SCN1A: variants seen among roughly 807,000 people sequenced by gnomAD.
SCN1A encodes the protein sodium channel protein type 1 subunit alpha.
SCN1A carries 13 observed loss-of-function variants against 193.7 expected under a neutral mutation model. The ratio of observed to expected loss-of-function variants is 0.07; its 90% CI spans 0.04 to 0.11. The LOEUF (loss-of-function observed/expected upper bound fraction) is 0.11, where lower values mean the gene tolerates loss of function less well. SCN1A is among the 10% of genes least tolerant of loss of function. The pLI is 1.00. For synonymous variants in SCN1A, 781 were observed against 843.6 expected (o/e 0.93, Z 1.29); for missense variants, 1,432 against 2,451.1 (o/e 0.58, Z 8.78).
intron 2 of SCN1A, among the ~76,000 whole-genome samples, chr2:166,116,975 T>G (rs1003090861): frequency 1.9e-4 from 29 of 152,312 alleles, no homozygotes; most frequent in Non-Finnish European, 3.8e-4. Flanking sequence ...TTACCACTAA[T>G]CACATCAGAA....
intron 19 of SCN1A, among the ~76,000 whole-genome samples, chr2:166,020,121 A>C (rs572768556): frequency 1.3e-5 from 2 of 152,102 alleles, no homozygotes; most frequent in South Asian, 4.1e-4. Context: ...CATGTTAGCC[A>C]GGAGGGTCTC....
In SCN1A at chr2:166,006,405, A is replaced by G. The variant is rs554678064; in HGVS notation, c.4002+3314T>C. 4.6e-5 allele frequency among the ~76,000 whole-genome samples: 7 copies of G among 151,534 alleles called. No homozygotes were observed. The East Asian group carries it at 1.2e-3, about 25-fold the overall frequency. On this transcript the variant is annotated intron_variant, in intron 23 of 28. Coordinates refer to ENST00000674923, the MANE Select transcript of SCN1A (RefSeq NM_001165963.4). ...TAAACTTTAAGAATAAATAAAATGT[A>G]GAGTTATGTTTATGTATGTTTTCAC...
At chr2:166,051,656 C>T (rs934903684) in intron 9 of SCN1A, 63 bp downstream of exon 9, 1 of 1,309,480 alleles carries the variant, frequency 7.6e-7, no homozygotes, top group Non-Finnish European at 1.1e-6. Flanking sequence ...AAGTATTTAT[C>T]CTTTGTGTTA....
rs121917912 is a variant in SCN1A at position 166,012,254 on chromosome 2, C to T, written c.3734G>A (p.Arg1245Gln). 4.4e-6 allele frequency: 7 copies of T among 1,609,000 alleles called. No homozygotes were observed. Among genetic ancestry groups the T allele is most frequent in the South Asian group, 1.1e-5 (1 of 90,934 alleles). Residue 1245 changes from arginine to glutamine, a missense_variant, in exon 22 of 29, where the codon CGA becomes CAA. Around this residue, in one of 18 missense-constraint regions of SCN1A, gnomAD observed 107 missense variants for 259.4 expected, o/e 0.41. Transcript: ENST00000674923. ...LAFEDIYIDQ[R>Q]KTIKTMLEYA... ...TTCCAACATCGTCTTAATCGTCTTTCGCTGATCAATATATATATCTTCAAA... is the reference window on the plus strand; with the variant it reads ...TTCCAACATCGTCTTAATCGTCTTTTGCTGATCAATATATATATCTTCAAA...
intron 16 of SCN1A, among the ~76,000 whole-genome samples, 160 bp from the exon 17 acceptor site, chr2:166,039,756 C>T (rs1696911317): frequency 6.6e-6 from 1 of 151,988 alleles, no homozygotes; most frequent in Non-Finnish European, 1.5e-5. Flanking sequence ...CTTTCATATA[C>T]ATTATTTAAT....
chr2:166,014,039 G>A (rs1409083045), intron 20 of SCN1A, 141 bp from the exon 21 acceptor site: 2 of 971,008 alleles, frequency 2.1e-6, no homozygotes, highest in Admixed American at 1.9e-5. Context: ...AGTAGTAAGA[G>A]CACATTCATC....
chr2:166,000,014 C>G (rs757735131), intron 24 of SCN1A: 2 of 539,920 alleles, frequency 3.7e-6, no homozygotes, highest in Non-Finnish European at 6.7e-6. Context: ...AACTCACAAG[C>G]ACTTTTCAAT....
Position 165,988,414 on chromosome 2 carries a change from A to C in SCN1A, c.*2831T>G, listed in dbSNP as rs564520699. ...TTACAAAAGTGTCAGCAATGTTAGG[A>C]GAAAGCTACAAGGAATACAAAAGCA... On this transcript the variant is annotated 3_prime_UTR_variant, in exon 29 of 29. Coordinates refer to ENST00000674923, the MANE Select transcript of SCN1A (RefSeq NM_001165963.4). 6.6e-6 allele frequency: 1 copy of C among 152,324 alleles called. No individual in the cohort carries two copies. The highest frequency in any genetic ancestry group is 1.5e-5 in the Non-Finnish European group (1 of 68,060). The allele number at this position is 152,324 out of a possible 1,614,324, so 9.4% of individuals were successfully genotyped here. A position where few individuals can be genotyped will look rare whatever the true frequency, so the allele number is the denominator to read the frequency against.
intron 2 of SCN1A, among the ~76,000 whole-genome samples, chr2:166,092,936 T>C (rs1328815647): frequency 2.0e-5 from 3 of 152,126 alleles, no homozygotes; most frequent in Admixed American, 2.0e-4. Flanking sequence ...ATACTGAAAG[T>C]ATAAACTATG....
intron 12 of SCN1A, among the ~76,000 whole-genome samples, chr2:166,045,852 A>C (rs1697766107): frequency 6.6e-6 from 1 of 152,154 alleles, no homozygotes; most frequent in Non-Finnish European, 1.5e-5. Context: ...ACCCATCCAC[A>C]ATATCCAGAA....
intron 2 of SCN1A, among the ~76,000 whole-genome samples, chr2:166,123,819 A>G (rs1369350212): frequency 6.6e-6 from 1 of 152,110 alleles, no homozygotes; most frequent in African/African-American, 2.4e-5. Context: ...CCTAAGCCCA[A>G]TCTCTGAGAT....
chr2:166,084,129 C>A (rs866038198), intron 2 of SCN1A, among the ~76,000 whole-genome samples: 1 of 151,914 alleles, frequency 6.6e-6, no homozygotes, highest in Non-Finnish European at 1.5e-5. Flanking sequence ...GTGGATTACT[C>A]GAAGAGAAAG....
chr2:166,012,070 G>A (rs938834892), intron 22 of SCN1A, 39 bp downstream of exon 22: 12 of 1,581,992 alleles, frequency 7.6e-6, no homozygotes, highest in Non-Finnish European at 1.0e-5. Context: ...AATAAGACAA[G>A]CTACCTTGAA....
intron 1 of SCN1A, among the ~76,000 whole-genome samples, chr2:166,139,346 C>T (rs1345180557): frequency 2.0e-5 from 3 of 151,932 alleles, no homozygotes; most frequent in Non-Finnish European, 4.4e-5. Flanking sequence ...TCCCATGTGT[C>T]ATGGGAGGAA....
chr2:166,144,456 T>C (rs2155875), intron 1 of SCN1A, among the ~76,000 whole-genome samples: 51,690 of 152,038 alleles, frequency 0.34, 8,997 homozygotes, highest in South Asian at 0.42. Context: ...CACTAAGTGA[T>C]AGAACACATG....
At position 166,097,063 on chromosome 2, in the gene SCN1A, C is replaced by CAGGCTCTGTTGGAGA. The variant is rs1205219194; in HGVS notation, c.-141-19263_-141-19262insTCTCCAACAGAGCCT. ...TGGAGACGGGGTCAGGCTCTGTTGC[C>CAGGCTCTGTTGGAGA]CGGGCTGTAGTGCAGTGGCATGATC... On this transcript the variant is annotated intron_variant, in intron 2 of 28. Transcript: ENST00000674923. Among the ~76,000 whole-genome samples the CAGGCTCTGTTGGAGA allele has an allele frequency of 2.8e-3, 430 of 151,876 alleles. 3 individuals carry two copies. Among genetic ancestry groups the CAGGCTCTGTTGGAGA allele is most frequent in the African/African-American group, 0.01 (417 of 41,396 alleles).
intron 1 of SCN1A, among the ~76,000 whole-genome samples, chr2:166,141,484 G>A (rs1365452701): frequency 6.6e-6 from 1 of 151,954 alleles, no homozygotes; most frequent in Non-Finnish European, 1.5e-5. Context: ...TTGGGGCCAG[G>A]AGTTCAAGAC....
chr2:166,039,559 T>C lies in SCN1A; in HGVS notation c.2453A>G (p.Lys818Arg), dbSNP rs1696884784. Reference protein sequence around the residue: ...TGIFTAEMFLKIIAMDPYYYF... With the variant: ...TGIFTAEMFLRIIAMDPYYYF... Reference sequence around the variant, plus strand: ...ATAGTAAGGATCCATGGCAATAATTTTCAGAAACATTTCTGCTGTAAAGAT... The same window carrying C: ...ATAGTAAGGATCCATGGCAATAATTCTCAGAAACATTTCTGCTGTAAAGAT... The change falls in exon 17 of 29, where the codon AAA (lysine) becomes AGA (arginine). Residue 818 changes from lysine to arginine, a missense_variant. This residue lies in a region of SCN1A where 93 missense variants were observed against 260.4 expected (regional missense o/e 0.36). Coordinates refer to ENST00000674923, the MANE Select transcript of SCN1A (RefSeq NM_001165963.4). The C allele has an allele frequency of 6.2e-7, 1 of 1,613,874 alleles. No individual in the cohort carries two copies. Among genetic ancestry groups the C allele is most frequent in the Non-Finnish European group, 8.5e-7 (1 of 1,179,944 alleles).
intron 1 of SCN1A, among the ~76,000 whole-genome samples, chr2:166,136,703 A>G (rs895419297): frequency 1.3e-5 from 2 of 152,222 alleles, no homozygotes; most frequent in African/African-American, 4.8e-5. Flanking sequence ...CTATTGACCA[A>G]GTGGGTTAAG....
Sources: gnomAD v4.1 joint callset for allele counts (sites outside exome capture counted in the v4.1 genomes callset) on GRCh38, gnomAD v4.1.1 for gene constraint, gnomAD v4.1.1 regional missense constraint, MANE v1.5 for transcripts, NCBI Gene and HGNC (gene_info 2026-07-23, HGNC 2026-07-21) for gene names.